The following CPNE4 variants were observed in gnomAD, a reference collection of about 807,000 sequenced individuals.
The protein encoded by CPNE4 is copine-4.
A neutral mutation model predicts 67.9 loss-of-function variants in CPNE4; 25 were observed. That is an observed-to-expected ratio of 0.37 (90% CI 0.27 to 0.51). CPNE4 has a LOEUF of 0.51. CPNE4 is among the 20% of genes least tolerant of loss of function. The probability of loss-of-function intolerance (pLI) is 0.93; values close to 1 mark genes in which losing one functional copy is unlikely to be tolerated. For synonymous variants in CPNE4, 242 were observed against 244.9 expected, an observed-to-expected ratio of 0.99 and a Z score of 0.11; for missense variants, 464 against 690.8, an observed-to-expected ratio of 0.67 and a Z score of 3.68.
At chr3:131,835,271 G>A (rs1376360748) in intron 2 of CPNE4, among the ~76,000 whole-genome samples, 2 of 152,178 alleles carry the variant, frequency 1.3e-5, no homozygotes, top group Non-Finnish European at 2.9e-5. Flanking sequence ...GCTCAAGCCT[G>A]TAATCCCAGC....
chr3:132,014,024 A>T (rs1465725434), intron 1 of CPNE4, among the ~76,000 whole-genome samples: 1 of 152,230 alleles, frequency 6.6e-6, no homozygotes, highest in Non-Finnish European at 1.5e-5. Flanking sequence ...GTTGAAGCTC[A>T]GCCAAATTGT....
chr3:131,871,227 T>G (rs1271429413), intron 2 of CPNE4, among the ~76,000 whole-genome samples: 1 of 152,166 alleles, frequency 6.6e-6, no homozygotes, highest in Non-Finnish European at 1.5e-5. Context: ...GGTCTTACAA[T>G]TCCATCAACT....
intron 2 of CPNE4, among the ~76,000 whole-genome samples, chr3:131,775,708 G>A (rs187669480): frequency 6.6e-6 from 1 of 152,294 alleles, no homozygotes; most frequent in Non-Finnish European, 1.5e-5. Context: ...ACATAGAACT[G>A]TGAGTGCATT....
intron 1 of CPNE4, among the ~76,000 whole-genome samples, chr3:131,921,154 G>A (rs2070730723): frequency 6.6e-6 from 1 of 152,182 alleles, no homozygotes; most frequent in South Asian, 2.1e-4. Flanking sequence ...CCCCCAAGAA[G>A]AAATGATGTC....
intron 2 of CPNE4, among the ~76,000 whole-genome samples, chr3:131,890,164 A>C (rs1399441864): frequency 6.6e-6 from 1 of 152,152 alleles, no homozygotes; most frequent in African/African-American, 2.4e-5. Context: ...ATGATATGTG[A>C]TAAAATATTT....
At chr3:131,617,303 C>G (rs573506283) in intron 7 of CPNE4, among the ~76,000 whole-genome samples, 1 of 152,306 alleles carries the variant, frequency 6.6e-6, no homozygotes, top group Non-Finnish European at 1.5e-5. Context: ...CTGCTCTTAG[C>G]TCAGATGCAG....
intron 1 of CPNE4, among the ~76,000 whole-genome samples, chr3:131,963,502 C>A (rs1381825575): frequency 6.6e-6 from 1 of 152,186 alleles, no homozygotes; most frequent in African/African-American, 2.4e-5. Flanking sequence ...TTGAAATTCT[C>A]ACTGCCAGCA....
chr3:131,948,463 A>G (rs1306990679), intron 1 of CPNE4, among the ~76,000 whole-genome samples: 2 of 152,220 alleles, frequency 1.3e-5, no homozygotes, highest in Non-Finnish European at 2.9e-5. Context: ...TCATTCCTTT[A>G]TAAACTACCC....
chr3:131,801,269 G>A (rs536857569), intron 2 of CPNE4, among the ~76,000 whole-genome samples: 16 of 148,564 alleles, frequency 1.1e-4, no homozygotes, highest in African/African-American at 4.0e-4. Flanking sequence ...ATTGAAATAG[G>A]GTCCGCTTTG....
At position 131,564,268 on chromosome 3, in the gene CPNE4, C is replaced by A. The variant is rs761864427; in HGVS notation, c.1009G>T (p.Glu337Ter). The A allele has an allele frequency of 6.2e-7, 1 of 1,612,922 alleles. No individual in the cohort carries two copies. The highest frequency in any genetic ancestry group is 1.3e-5 in the African/African-American group (1 of 74,824). The part of the protein sequence containing the change: ...LHYIHPYQPN[E>*]YLKALVAVGE... ...ACAGCTACCAAAGCTTTCAGATACT[C>A]ATTGGGTTGGTAAGGGTGGATGTAG... is the stretch of plus-strand genomic sequence containing the variant. The change falls in exon 11 of 16, where the codon GAG becomes TAG. Residue 337 changes from glutamate (E) to a stop codon, truncating the protein, a stop_gained. Transcript: ENST00000429747. LOFTEE classifies it high-confidence loss of function.
chr3:131,875,800 G>T (rs997654571), intron 2 of CPNE4, among the ~76,000 whole-genome samples: 1 of 151,358 alleles, frequency 6.6e-6, no homozygotes. Context: ...AAACCTGCAT[G>T]TTGTGCACAT....
Position 131,618,343 on chromosome 3 carries a change from C to T in CPNE4, c.682-30761G>A, listed in dbSNP as rs537983264. On this transcript the variant is annotated intron_variant, in intron 7 of 15. Coordinates refer to ENST00000429747, the MANE Select transcript of CPNE4 (RefSeq NM_130808.3). ...TCTATGTATACATTGTAGAAAGACT[C>T]AATCAAGCTAAGCAACATATTCATC... 3.3e-3 allele frequency among the ~76,000 whole-genome samples: 495 copies of T among 152,276 alleles called. 2 individuals are homozygous for T. Among genetic ancestry groups the T allele is most frequent in the African/African-American group, 0.011 (454 of 41,558 alleles).
At chr3:131,719,757 G>A (rs1343705036) in intron 3 of CPNE4, among the ~76,000 whole-genome samples, 1 of 152,132 alleles carries the variant, frequency 6.6e-6, no homozygotes, top group Non-Finnish European at 1.5e-5. Flanking sequence ...CTCCCCTAAG[G>A]GTCACTCTCA....
chr3:131,932,085 T>C (rs190248665), intron 1 of CPNE4, among the ~76,000 whole-genome samples: 3 of 152,292 alleles, frequency 2.0e-5, no homozygotes, highest in Admixed American at 6.5e-5. Flanking sequence ...CTTTCCTGAA[T>C]GATGTGGCTA....
At chr3:131,827,752 CAA>C (rs1019518782) in intron 2 of CPNE4, among the ~76,000 whole-genome samples, 2 of 151,700 alleles carry the variant, frequency 1.3e-5, no homozygotes, top group Admixed American at 1.3e-4. Flanking sequence ...GTAATAGAAA[CAA>C]ATGAAAAACT....
intron 1 of CPNE4, among the ~76,000 whole-genome samples, chr3:131,943,218 T>G (rs1352503701): frequency 6.6e-6 from 1 of 152,110 alleles, no homozygotes; most frequent in African/African-American, 2.4e-5. Context: ...ACAGCAAAAA[T>G]GTGTGGTAAC....
At position 131,593,431 on chromosome 3, in the gene CPNE4, G is replaced by C. The variant is rs529929540; in HGVS notation, c.682-5849C>G. Reference sequence around the variant, plus strand: ...ACTGTTCTTGATGCTATTGTAAAAGGAAGTATTTTCTTAATTTCCTTTTCA... The same window carrying C: ...ACTGTTCTTGATGCTATTGTAAAAGCAAGTATTTTCTTAATTTCCTTTTCA... On this transcript the variant is annotated intron_variant, in intron 7 of 15. Coordinates refer to ENST00000429747, the MANE Select transcript of CPNE4 (RefSeq NM_130808.3). Among the ~76,000 whole-genome samples the C allele has an allele frequency of 2.0e-3, 305 of 152,240 alleles. 1 individual carries two copies. The highest frequency in any genetic ancestry group is 3.4e-3 in the Non-Finnish European group (230 of 68,012).
chr3:131,650,475 C>A (rs906307375), intron 7 of CPNE4, among the ~76,000 whole-genome samples: 1 of 146,192 alleles, frequency 6.8e-6, no homozygotes, highest in African/African-American at 2.6e-5. Flanking sequence ...TCTATTATTG[C>A]GGCCGGGCGC....
intron 15 of CPNE4, among the ~76,000 whole-genome samples, chr3:131,536,213 T>TATCA (rs1307682883): frequency 6.6e-6 from 1 of 152,172 alleles, no homozygotes; most frequent in Non-Finnish European, 1.5e-5. Context: ...GCCTTTATTC[T>TATCA]ATCAGCCTTA....
Sources: allele counts gnomAD v4.1 joint callset (sites outside exome capture counted in the v4.1 genomes callset), GRCh38; gene constraint gnomAD v4.1.1; transcripts MANE v1.5; gene names NCBI Gene and HGNC (gene_info 2026-07-23, HGNC 2026-07-21).